The following ATRX variants were observed in gnomAD, a reference collection of about 807,000 sequenced individuals.
The protein encoded by ATRX is ATRX chromatin remodeler.
In ATRX, 12 loss-of-function variants were observed where a neutral mutation model predicts 172.6. The ratio of observed to expected loss-of-function variants is 0.07; its 90% confidence interval spans 0.04 to 0.11. ATRX has a LOEUF of 0.11. ATRX is among the 10% of genes least tolerant of loss of function. The probability of loss-of-function intolerance (pLI) is 1.00; values close to 1 mark genes in which losing one functional copy is unlikely to be tolerated. For missense variants in ATRX, 1,368 were observed against 1,767.4 expected (o/e 0.77, Z 4.05); for synonymous variants, 674 against 594.7 (o/e 1.13, Z -1.94).
intron 4 of ATRX, 57 bp from the exon 5 acceptor site, chrX:77,696,761 C>A (rs1415866746): frequency 2.7e-6 from 3 of 1,111,162 alleles, no homozygotes; most frequent in Non-Finnish European, 3.7e-6. Context: ...GGAACAATAC[C>A]CAAAGAACAT....
intron 22 of ATRX, among the ~76,000 whole-genome samples, chrX:77,604,543 G>C (rs1385406472): frequency 8.9e-6 from 1 of 112,001 alleles, no homozygotes; most frequent in African/African-American, 3.2e-5. Context: ...CTATTGGTGG[G>C]AATGTAAATT....
chrX:77,721,027 C>T (rs2073734237), intron 1 of ATRX, among the ~76,000 whole-genome samples: 2 of 111,936 alleles, frequency 1.8e-5, no homozygotes, highest in Admixed American at 1.9e-4. Context: ...TCAACATACG[C>T]AAATCAATAA....
chrX:77,671,167 AATATATATATATAT>A lies in ATRX; in HGVS notation c.3809+5045_3809+5058del, dbSNP rs3063061. 3.2e-4 allele frequency among the ~76,000 whole-genome samples: 5 copies of A among 15,735 alleles called. 1 individual carries two copies. The highest frequency in any genetic ancestry group is 5.8e-4 in the Non-Finnish European group (5 of 8,651). 13.7% of individuals were successfully genotyped at this position (15,735 alleles called of 115,157 possible). A position where few individuals can be genotyped will look rare whatever the true frequency, so the allele number is the denominator to read the frequency against. ...TGTCTCAAAAAAAAAAAAAAAAAAA[AATATATATATATAT>A]ATATATATATATATAAAACTAAGGC... On this transcript the variant is annotated intron_variant, in intron 10 of 34. Transcript: ENST00000373344.
At chrX:77,521,912 T>C (rs782085419) in intron 32 of ATRX, 27 of 230,350 alleles carry the variant, frequency 1.2e-4, no homozygotes, top group African/African-American at 7.7e-4. Flanking sequence ...AGAATAGAAG[T>C]TAATGAGTAT....
chrX:77,574,071 C>A (rs1183909040), intron 28 of ATRX, among the ~76,000 whole-genome samples, 179 bp downstream of exon 28: 5 of 111,536 alleles, frequency 4.5e-5, no homozygotes, highest in Non-Finnish European at 9.5e-5. Context: ...CAAAAGGCTA[C>A]AAATTATATG....
chrX:77,703,503 G>A (rs1269496477), intron 2 of ATRX, among the ~76,000 whole-genome samples: 1 of 112,498 alleles, frequency 8.9e-6, no homozygotes, highest in Non-Finnish European at 1.9e-5. Flanking sequence ...CAGGGAACAC[G>A]GTGGCACCCA....
At chrX:77,690,019 T>C (rs1161546091) in intron 6 of ATRX, among the ~76,000 whole-genome samples, 1 of 112,298 alleles carries the variant, frequency 8.9e-6, no homozygotes, top group Non-Finnish European at 1.9e-5. Context: ...CTGTTAGGTT[T>C]AAGGTCCAAA....
At chrX:77,725,451 C>T (rs1376067113) in intron 1 of ATRX, among the ~76,000 whole-genome samples, 6 of 112,038 alleles carry the variant, frequency 5.4e-5, no homozygotes, top group African/African-American at 1.9e-4. Context: ...CCCTTCCTTA[C>T]ACCTTACACA....
rs2071803044 is a variant in ATRX, at chrX:77,690,081, A to C, written c.485-1154T>G. On this transcript the variant is annotated intron_variant, in intron 6 of 34. Coordinates refer to ENST00000373344, the MANE Select transcript of ATRX (RefSeq NM_000489.6). ...AATATTTTTATTTGTAGAAACTTTAAAAAAATTTTTAAGAGCTAGAGTCTC... is the reference window on the plus strand; with the variant it reads ...AATATTTTTATTTGTAGAAACTTTACAAAAATTTTTAAGAGCTAGAGTCTC... 2.7e-5 allele frequency among the ~76,000 whole-genome samples: 3 copies of C among 111,894 alleles called. No homozygotes were observed. In the Admixed American group the frequency reaches 2.8e-4, roughly 11 times the overall value.
At chrX:77,763,437 C>T (rs1450995034) in intron 1 of ATRX, among the ~76,000 whole-genome samples, 1 of 102,142 alleles carries the variant, frequency 9.8e-6, no homozygotes. Context: ...AGCCACCGGG[C>T]CCAACCCATT....
intron 27 of ATRX, among the ~76,000 whole-genome samples, chrX:77,574,675 G>A (rs1015683851): frequency 1.8e-5 from 2 of 111,314 alleles, no homozygotes; most frequent in Non-Finnish European, 3.8e-5. Context: ...CTTACATTTC[G>A]CTCATGAGGC....
chrX:77,686,558 A>C (rs1221029546), intron 7 of ATRX, among the ~76,000 whole-genome samples: 5 of 109,976 alleles, frequency 4.5e-5, no homozygotes, highest in Admixed American at 1.9e-4. Flanking sequence ...TCTACTAAAA[A>C]TACAAAAATT....
chrX:77,546,084 T>C (rs901772251), intron 30 of ATRX, among the ~76,000 whole-genome samples: 1 of 111,277 alleles, frequency 9.0e-6, no homozygotes, highest in East Asian at 2.8e-4. Context: ...AAACCTCAAT[T>C]TACTTCTCCG....
At chrX:77,647,180 A>T (rs944999431) in intron 15 of ATRX, among the ~76,000 whole-genome samples, 11 of 112,292 alleles carry the variant, frequency 9.8e-5, no homozygotes, top group Non-Finnish European at 2.1e-4. Flanking sequence ...AGGATCAAGT[A>T]AAAGATCACA....
chrX:77,553,768 T>C (rs2064655830), intron 30 of ATRX, among the ~76,000 whole-genome samples: 1 of 111,854 alleles, frequency 8.9e-6, no homozygotes, highest in East Asian at 2.8e-4. Context: ...TCAATATCCA[T>C]CCCAAACTTT....
At chrX:77,771,538 TATTTCCCCCTCCTCAGCAC>T (rs1161879806) in intron 1 of ATRX, among the ~76,000 whole-genome samples, 1 of 109,888 alleles carries the variant, frequency 9.1e-6, no homozygotes, top group Non-Finnish European at 1.9e-5. Context: ...CCACCTAGAA[TATTTCCCCCTCCTCAGCAC>T]ATTTCCCCCC....
chrX:77,603,263 G>T (rs781963797), intron 22 of ATRX, among the ~76,000 whole-genome samples: 3 of 111,313 alleles, frequency 2.7e-5, no homozygotes, highest in Non-Finnish European at 5.7e-5. Context: ...ATGACTTTTA[G>T]GATTGTTTTT....
At position 77,507,101 on chromosome X, in the gene ATRX, G is replaced by A; in HGVS notation, c.*1250C>T. ...GAACTGGATTAAGAAAAAATAAAAT[G>A]TAATACATTTTCTAGTAAAACTTCT... On this transcript the variant is annotated 3_prime_UTR_variant, in exon 35 of 35. Coordinates refer to ENST00000373344, the MANE Select transcript of ATRX (RefSeq NM_000489.6). 2.3e-5 allele frequency: 4 copies of A among 170,925 alleles called. No individual in the cohort carries two copies. Among genetic ancestry groups the A allele is most frequent in the Middle Eastern group, 1.9e-3 (1 of 535 alleles). 14.1% of individuals were successfully genotyped at this position (170,925 alleles called of 1,213,427 possible). A position where few individuals can be genotyped will look rare whatever the true frequency, so the allele number is the denominator to read the frequency against.
intron 9 of ATRX, among the ~76,000 whole-genome samples, chrX:77,676,815 A>G (rs1224471299): frequency 8.9e-6 from 1 of 112,718 alleles, no homozygotes; most frequent in African/African-American, 3.2e-5. Context: ...CTGCATTTCT[A>G]TATTTTGATT....
Sources: allele counts gnomAD v4.1 joint callset (sites outside exome capture counted in the v4.1 genomes callset), GRCh38; gene constraint gnomAD v4.1.1; transcripts MANE v1.5; gene names NCBI Gene and HGNC (gene_info 2026-07-23, HGNC 2026-07-21).